Variants in NEO1 observed in about 807,000 individuals in gnomAD.
NEO1 encodes neogenin.
Under a neutral mutation model 159.7 loss-of-function variants are expected in NEO1, and 63 were observed. That is an observed-to-expected ratio of 0.39 (90% CI 0.32 to 0.49). The LOEUF is 0.49. Among genes scored for constraint, NEO1 ranks in the 20% least tolerant of loss-of-function variants. The probability of loss-of-function intolerance (pLI) is 0.85; values close to 1 mark genes in which losing one functional copy is unlikely to be tolerated. For missense variants in NEO1, 1,615 were observed against 1,831.0 expected, an observed-to-expected ratio of 0.88 and a Z score of 2.15; for synonymous variants, 633 against 662.0, an observed-to-expected ratio of 0.96 and a Z score of 0.67.
chr15:73,240,329 AGAGATAC>A (rs1567573474), intron 8 of NEO1, among the ~76,000 whole-genome samples: 6 of 152,208 alleles, frequency 3.9e-5, no homozygotes, highest in Admixed American at 1.3e-4. Flanking sequence ...TGTAGTTGGA[AGAGATAC>A]AGAAGTTGAG....
Position 73,288,490 on chromosome 15 carries a change from T to C in NEO1, c.3588T>C (p.Asp1196=). The C allele has an allele frequency of 2.5e-6, 4 of 1,614,140 alleles. No individual in the cohort carries two copies. The highest frequency in any genetic ancestry group is 3.4e-6 in the Non-Finnish European group (4 of 1,180,018). ...TDTPIPRNSQ[D]ITPVDNSMDS... Reference sequence around the variant, plus strand: ...CTCCAATTCCTCGCAACTCTCAAGATATCACACCAGTTGACAACTCCATGG... The same window carrying C: ...CTCCAATTCCTCGCAACTCTCAAGACATCACACCAGTTGACAACTCCATGG... The change falls in exon 24 of 29, where the codon GAT becomes GAC. Residue 1196 remains aspartate (D), a synonymous_variant. Coordinates refer to ENST00000261908, the MANE Select transcript of NEO1 (RefSeq NM_002499.4).
At chr15:73,155,210 TTGG>T (rs537482896) in intron 5 of NEO1, among the ~76,000 whole-genome samples, 1 of 151,932 alleles carries the variant, frequency 6.6e-6, no homozygotes, top group Non-Finnish European at 1.5e-5. Flanking sequence ...TGGCTGATGT[TTGG>T]TGGTGGTGGT....
chr15:73,258,002 C>T (rs2040449104), intron 13 of NEO1, among the ~76,000 whole-genome samples: 1 of 152,200 alleles, frequency 6.6e-6, no homozygotes, highest in Admixed American at 6.5e-5. Context: ...CTCTTCTCCC[C>T]TACCACGGGA....
At chr15:73,184,913 G>A (rs1361598585) in intron 7 of NEO1, among the ~76,000 whole-genome samples, 2 of 152,072 alleles carry the variant, frequency 1.3e-5, no homozygotes, top group African/African-American at 2.4e-5. Context: ...GGGTGACAGA[G>A]TGAGACTCTG....
At chr15:73,077,922 A>T (rs2068855308) in intron 1 of NEO1, among the ~76,000 whole-genome samples, 1 of 152,182 alleles carries the variant, frequency 6.6e-6, no homozygotes, top group African/African-American at 2.4e-5. Flanking sequence ...TCCTCTGTCC[A>T]TTGCGCAGGA....
intron 5 of NEO1, among the ~76,000 whole-genome samples, chr15:73,139,458 A>G (rs954624518): frequency 6.6e-6 from 1 of 152,212 alleles, no homozygotes; most frequent in Non-Finnish European, 1.5e-5. Context: ...CAAGAGCAAA[A>G]ATTAATGAAA....
chr15:73,205,591 A>T (rs1314851389), intron 7 of NEO1, among the ~76,000 whole-genome samples: 1 of 152,134 alleles, frequency 6.6e-6, no homozygotes, highest in Non-Finnish European at 1.5e-5. Context: ...CATTCTCACA[A>T]TAGTCCACAC....
At chr15:73,176,718 G>T (rs1192473274) in intron 6 of NEO1, among the ~76,000 whole-genome samples, 161 bp downstream of exon 6, 4 of 152,068 alleles carry the variant, frequency 2.6e-5, no homozygotes, top group Non-Finnish European at 5.9e-5. Context: ...TGATGAGAAA[G>T]CTGAGCCCAG....
At chr15:73,170,718 G>T (rs114723638) in intron 5 of NEO1, among the ~76,000 whole-genome samples, 257 of 152,286 alleles carry the variant, frequency 1.7e-3, no homozygotes, top group African/African-American at 5.7e-3. Context: ...AAACGTAAGT[G>T]AAGGGAAAAA....
intron 1 of NEO1, among the ~76,000 whole-genome samples, chr15:73,078,679 C>T (rs1160595205): frequency 2.0e-5 from 3 of 152,152 alleles, no homozygotes; most frequent in African/African-American, 7.2e-5. Context: ...AGTTAAGATA[C>T]AGTTAGCTGT....
chr15:73,302,755 G>A lies in NEO1; in HGVS notation c.*59G>A, dbSNP rs2042671254. 1.2e-5 allele frequency: 17 copies of A among 1,459,306 alleles called. No individual in the cohort carries two copies. The highest frequency in any genetic ancestry group is 9.5e-7 in the Non-Finnish European group (1 of 1,047,458). The allele number at this position is 1,459,306 out of a possible 1,614,324, so 90.4% of individuals were successfully genotyped here. A position where few individuals can be genotyped will look rare whatever the true frequency, so the allele number is the denominator to read the frequency against. ...TCTGGAAGTCTTGGAACTTACCCTT[G>A]AAAACAAGGAATTGTACAGAGTACG... is the stretch of plus-strand genomic sequence containing the variant. On this transcript the variant is annotated 3_prime_UTR_variant, in exon 29 of 29. Coordinates refer to ENST00000261908, the MANE Select transcript of NEO1 (RefSeq NM_002499.4).
chr15:73,228,817 C>T (rs1295265238), intron 7 of NEO1, among the ~76,000 whole-genome samples: 1 of 152,036 alleles, frequency 6.6e-6, no homozygotes, highest in African/African-American at 2.4e-5. Context: ...GTCCCAGCAC[C>T]AGTTGTTGAA....
At chr15:73,251,091 A>G (rs2040042088) in intron 11 of NEO1, among the ~76,000 whole-genome samples, 1 of 152,362 alleles carries the variant, frequency 6.6e-6, no homozygotes, top group Admixed American at 6.5e-5. Context: ...CTGTATACAT[A>G]TACATAATAG....
chr15:73,129,641 T>C lies in NEO1; in HGVS notation c.878+3071T>C, dbSNP rs146947717. On this transcript the variant is annotated intron_variant, in intron 4 of 28. Coordinates refer to ENST00000261908, the MANE Select transcript of NEO1 (RefSeq NM_002499.4). ...TTAAAGGGAGAGAATCTGGAAAATATAAATGCTAGTGTTCAAGGTGATTGA... is the reference window on the plus strand; with the variant it reads ...TTAAAGGGAGAGAATCTGGAAAATACAAATGCTAGTGTTCAAGGTGATTGA... 3.3e-5 allele frequency among the ~76,000 whole-genome samples: 5 copies of C among 152,264 alleles called. No homozygotes were observed. In the East Asian group the frequency reaches 7.7e-4, roughly 24 times the overall value.
chr15:73,197,099 C>T (rs34268614), intron 7 of NEO1, among the ~76,000 whole-genome samples: 24,968 of 152,156 alleles, frequency 0.16, 2,457 homozygotes, highest in Non-Finnish European at 0.23. Flanking sequence ...GTGGCTCACA[C>T]CTGTAATCCC....
At chr15:73,207,542 CA>C (rs1217647092) in intron 7 of NEO1, among the ~76,000 whole-genome samples, 1 of 152,198 alleles carries the variant, frequency 6.6e-6, no homozygotes, top group African/African-American at 2.4e-5. Flanking sequence ...AATATTCCAG[CA>C]GAAAGAAAAC....
chr15:73,140,150 A>G (rs781333808), intron 5 of NEO1, among the ~76,000 whole-genome samples: 2 of 152,260 alleles, frequency 1.3e-5, no homozygotes, highest in Non-Finnish European at 2.9e-5. Context: ...GAAAAGCTCA[A>G]CAAATACCAG....
intron 7 of NEO1, among the ~76,000 whole-genome samples, chr15:73,198,717 C>CT (rs1258776246): frequency 6.6e-6 from 1 of 151,976 alleles, no homozygotes; most frequent in Non-Finnish European, 1.5e-5. Flanking sequence ...ATCTGCTGCT[C>CT]TTAAGTGTTG....
At chr15:73,080,939 T>A (rs2069014343) in intron 1 of NEO1, among the ~76,000 whole-genome samples, 1 of 152,228 alleles carries the variant, frequency 6.6e-6, no homozygotes, top group Non-Finnish European at 1.5e-5. Flanking sequence ...TGAAGAGTCA[T>A]TTCAAGATAA....
Sources: allele counts gnomAD v4.1 joint callset (sites outside exome capture counted in the v4.1 genomes callset), GRCh38; gene constraint gnomAD v4.1.1; transcripts MANE v1.5; gene names NCBI Gene and HGNC (gene_info 2026-07-23, HGNC 2026-07-21).